The following AP3B1 variants were observed in gnomAD, a reference collection of about 807,000 sequenced individuals.
The protein encoded by AP3B1 is adaptor related protein complex 3 subunit beta 1.
In AP3B1, 61 loss-of-function variants were observed where a neutral mutation model predicts 132.5. The observed-to-expected ratio is 0.46, with a 90% CI of 0.37 to 0.57. AP3B1 has a LOEUF of 0.57. Ranked by LOEUF, AP3B1 falls within the 20% of genes least tolerant of loss-of-function variation. The probability of loss-of-function intolerance (pLI) is 0.00; values close to 1 mark genes in which losing one functional copy is unlikely to be tolerated. For missense variants in AP3B1, 1,120 were observed against 1,289.4 expected (o/e 0.87, Z 2.01); for synonymous variants, 388 against 438.3 (o/e 0.89, Z 1.43).
intron 22 of AP3B1, among the ~76,000 whole-genome samples, chr5:78,088,514 C>G (rs1750361842): frequency 6.6e-6 from 1 of 152,064 alleles, no homozygotes; most frequent in African/African-American, 2.4e-5. Flanking sequence ...TCCATAATAA[C>G]ACACAAGAAT....
chr5:78,246,753 T>C lies in AP3B1; in HGVS notation c.205-5817A>G, dbSNP rs1747396059. ...TCTACAGGTTTATCAATTTTATCTATCTTTTCCAAGGACTAGTTTTTCATT... is the reference window on the plus strand; with the variant it reads ...TCTACAGGTTTATCAATTTTATCTACCTTTTCCAAGGACTAGTTTTTCATT... On this transcript the variant is annotated intron_variant, in intron 2 of 26. Coordinates refer to ENST00000255194, the MANE Select transcript of AP3B1 (RefSeq NM_003664.5). Among the ~76,000 whole-genome samples, 4 of 152,278 alleles carry C rather than the reference T, an allele frequency of 2.6e-5. No individual in the cohort carries two copies. The South Asian group carries it at 8.3e-4, about 32-fold the overall frequency.
intron 1 of AP3B1, among the ~76,000 whole-genome samples, chr5:78,284,933 C>A (rs1418168289): frequency 6.6e-6 from 1 of 152,144 alleles, no homozygotes; most frequent in Non-Finnish European, 1.5e-5. Flanking sequence ...TGCTCCATTT[C>A]TCTGCTCTTC....
At chr5:78,068,044 G>A (rs947433847) in intron 22 of AP3B1, among the ~76,000 whole-genome samples, 2 of 151,998 alleles carry the variant, frequency 1.3e-5, no homozygotes, top group Non-Finnish European at 2.9e-5. Flanking sequence ...AAGAAAAGAG[G>A]CCTGGTGTGG....
chr5:78,020,844 A>T, intron 24 of AP3B1, 55 bp from the exon 25 acceptor site: 15 of 1,383,964 alleles, frequency 1.1e-5, no homozygotes, highest in Non-Finnish European at 1.5e-5. Flanking sequence ...CATTCTTAAT[A>T]CTAAGTAGTT....
intron 7 of AP3B1, among the ~76,000 whole-genome samples, chr5:78,183,505 A>T (rs569527620): frequency 6.6e-6 from 1 of 152,316 alleles, no homozygotes; most frequent in Non-Finnish European, 1.5e-5. Context: ...AAAAATCATT[A>T]AAAAATGCTT....
At chr5:78,117,017 T>C (rs929823214) in intron 17 of AP3B1, among the ~76,000 whole-genome samples, 1 of 152,008 alleles carries the variant, frequency 6.6e-6, no homozygotes, top group Non-Finnish European at 1.5e-5. Context: ...CCTCCACAAC[T>C]GTCCCCGTCG....
intron 21 of AP3B1, among the ~76,000 whole-genome samples, chr5:78,096,238 C>T (rs1464105196): frequency 6.6e-6 from 1 of 152,206 alleles, no homozygotes; most frequent in East Asian, 1.9e-4. Context: ...ATCTCCAGCT[C>T]CTAACCGCGA....
chr5:78,174,981 T>G (rs1181909422), intron 11 of AP3B1, among the ~76,000 whole-genome samples: 4 of 152,258 alleles, frequency 2.6e-5, no homozygotes, highest in Non-Finnish European at 4.4e-5. Flanking sequence ...CTAAGGCTGC[T>G]GCGCTAGCAG....
chr5:78,114,589 A>T (rs1046019780), intron 18 of AP3B1, among the ~76,000 whole-genome samples: 2 of 152,202 alleles, frequency 1.3e-5, no homozygotes, highest in Non-Finnish European at 2.9e-5. Flanking sequence ...CATGAAGAAT[A>T]TATGTGTATT....
At chr5:78,180,575 A>T (rs1168422298) in intron 8 of AP3B1, among the ~76,000 whole-genome samples, 7 of 152,190 alleles carry the variant, frequency 4.6e-5, no homozygotes, top group African/African-American at 1.2e-4. Context: ...AATGGTTTGG[A>T]TAAATCATCC....
At chr5:78,046,895 T>A (rs1443242596) in intron 22 of AP3B1, among the ~76,000 whole-genome samples, 1 of 151,876 alleles carries the variant, frequency 6.6e-6, no homozygotes, top group African/African-American at 2.4e-5. Context: ...GATGTTCCCC[T>A]CCCTGTGTCC....
intron 19 of AP3B1, among the ~76,000 whole-genome samples, chr5:78,113,490 G>C (rs1369399443): frequency 6.6e-6 from 1 of 152,124 alleles, no homozygotes; most frequent in Non-Finnish European, 1.5e-5. Context: ...CCTATTGCTT[G>C]ATCACTTAAC....
chr5:78,085,029 C>A (rs1750178901), intron 22 of AP3B1, among the ~76,000 whole-genome samples: 1 of 150,328 alleles, frequency 6.7e-6, no homozygotes, highest in Non-Finnish European at 1.5e-5. Flanking sequence ...TAGGTTTGAA[C>A]AACCATGCAC....
intron 14 of AP3B1, among the ~76,000 whole-genome samples, chr5:78,142,957 C>T (rs924281717): frequency 1.3e-5 from 2 of 152,018 alleles, no homozygotes; most frequent in African/African-American, 4.8e-5. Context: ...TTAAATTGGG[C>T]TAAAGAATAG....
intron 26 of AP3B1, among the ~76,000 whole-genome samples, chr5:78,007,528 C>T (rs62362914): frequency 6.6e-5 from 10 of 152,054 alleles, no homozygotes; most frequent in Non-Finnish European, 1.5e-4. Flanking sequence ...TCACAAGATG[C>T]AGTGCCCTGC....
intron 22 of AP3B1, among the ~76,000 whole-genome samples, chr5:78,061,424 T>C (rs1443762022): frequency 2.6e-5 from 4 of 152,180 alleles, no homozygotes; most frequent in Non-Finnish European, 4.4e-5. Flanking sequence ...CAAATTCTTA[T>C]CAAGGAATTT....
chr5:78,020,832 A>C (rs149754962), intron 24 of AP3B1, 43 bp from the exon 25 acceptor site: 2 of 1,449,742 alleles, frequency 1.4e-6, no homozygotes, highest in East Asian at 4.6e-5. Flanking sequence ...TTCATAAATA[A>C]ACATTCTTAA....
chr5:78,120,762 C>T (rs1752144365), intron 17 of AP3B1, among the ~76,000 whole-genome samples: 1 of 152,170 alleles, frequency 6.6e-6, no homozygotes, highest in Non-Finnish European at 1.5e-5. Context: ...TAACACCCTA[C>T]TGTCAACATT....
intron 1 of AP3B1, among the ~76,000 whole-genome samples, chr5:78,283,491 T>A (rs1327555660): frequency 1.3e-5 from 2 of 152,206 alleles, no homozygotes; most frequent in African/African-American, 2.4e-5. Context: ...TCCTACTCTC[T>A]TCAATGTAGA....
Sources: allele counts gnomAD v4.1 joint callset (sites outside exome capture counted in the v4.1 genomes callset), GRCh38; gene constraint gnomAD v4.1.1; transcripts MANE v1.5; gene names NCBI Gene and HGNC (gene_info 2026-07-23, HGNC 2026-07-21).